The following COL23A1 variants were observed in gnomAD, a reference collection of about 807,000 sequenced individuals.
COL23A1 encodes the protein collagen alpha-1(XXIII) chain.
A neutral mutation model predicts 99.3 loss-of-function variants in COL23A1; 97 were observed. That is an observed-to-expected ratio of 0.98 (90% CI 0.83 to 1.16). COL23A1 has a LOEUF of 1.16. COL23A1 is among the 50% of genes most tolerant of loss of function. The probability of loss-of-function intolerance (pLI) is 0.00; values close to 1 mark genes in which losing one functional copy is unlikely to be tolerated. For missense variants in COL23A1, 762 were observed against 757.4 expected (o/e 1.01, Z -0.07); for synonymous variants, 320 against 308.2 (o/e 1.04, Z -0.40).
At chr5:178,337,578 A>G (rs1302024137) in intron 2 of COL23A1, among the ~76,000 whole-genome samples, 3 of 152,052 alleles carry the variant, frequency 2.0e-5, no homozygotes, top group African/African-American at 7.2e-5. Context: ...TTCCAGGGCC[A>G]GACTCCCTGC....
intron 2 of COL23A1, among the ~76,000 whole-genome samples, chr5:178,463,932 G>A (rs1756269162): frequency 6.6e-6 from 1 of 151,748 alleles, no homozygotes; most frequent in South Asian, 2.1e-4. Context: ...GCTGCAGAAC[G>A]AACCTCTTGT....
intron 2 of COL23A1, among the ~76,000 whole-genome samples, chr5:178,429,582 TC>T (rs1650074734): frequency 6.6e-6 from 1 of 152,136 alleles, no homozygotes; most frequent in Non-Finnish European, 1.5e-5. Flanking sequence ...CTCCCCTCAC[TC>T]CCTTCTTTTC....
rs1160344604 is a variant in COL23A1 at position 178,242,060 on chromosome 5, C to T, written c.1563G>A (p.Leu521=). 2 of 1,554,786 alleles carry T rather than the reference C, an allele frequency of 1.3e-6. No individual in the cohort carries two copies. The highest frequency in any genetic ancestry group is 1.9e-5 in the Admixed American group (1 of 51,394). ...GQKGEPGPPG[L]DQPCPVGPDG... ...CACCTACCACGGGACACGGCTGGTC[C>T]AGGCCTGGTGGTCCCGGCTCGCCCT... Residue 521 remains leucine, a synonymous_variant, in exon 27 of 29, where the codon CTG becomes CTA. Transcript: ENST00000390654.
Position 178,256,831 on chromosome 5 carries a change from C to T in COL23A1, c.837+35G>A, listed in dbSNP as rs749865606. On this transcript the variant is annotated intron_variant, in intron 14 of 28. Coordinates refer to ENST00000390654, the MANE Select transcript of COL23A1 (RefSeq NM_173465.4). Reference sequence around the variant, plus strand: ...CGACTGGGTGGAGGTCTGAGCGGGGCCCGCAGGCGCCAGAGCAGAGAGCTC... The same window carrying T: ...CGACTGGGTGGAGGTCTGAGCGGGGTCCGCAGGCGCCAGAGCAGAGAGCTC... The T allele has an allele frequency of 5.0e-6, 8 of 1,597,156 alleles. No homozygotes were observed. The South Asian group carries it at 5.6e-5, about 11-fold the overall frequency.
At chr5:178,272,151 C>T (rs753246420) in intron 5 of COL23A1, among the ~76,000 whole-genome samples, 2 of 152,234 alleles carry the variant, frequency 1.3e-5, no homozygotes, top group African/African-American at 2.4e-5. Context: ...AGTGCCTTCC[C>T]TGCGTTTCCA....
At chr5:178,407,496 A>T (rs1764827993) in intron 2 of COL23A1, among the ~76,000 whole-genome samples, 1 of 152,244 alleles carries the variant, frequency 6.6e-6, no homozygotes, top group Admixed American at 6.5e-5. Context: ...CAATCAACAG[A>T]TATGAACACT....
intron 2 of COL23A1, among the ~76,000 whole-genome samples, chr5:178,356,045 G>T (rs971510525): frequency 6.6e-6 from 1 of 152,200 alleles, no homozygotes; most frequent in Non-Finnish European, 1.5e-5. Context: ...AGTATAAAAC[G>T]CAAGGTGCTG....
At chr5:178,273,820 G>A (rs1756431987) in intron 5 of COL23A1, among the ~76,000 whole-genome samples, 1 of 152,224 alleles carries the variant, frequency 6.6e-6, no homozygotes, top group African/African-American at 2.4e-5. Flanking sequence ...ACTCCGAGGT[G>A]GGCCGGGAAG....
chr5:178,561,445 C>T (rs1262080767), intron 1 of COL23A1, among the ~76,000 whole-genome samples: 8 of 152,200 alleles, frequency 5.3e-5, no homozygotes, highest in Non-Finnish European at 1.5e-5. Context: ...CACAGCTCCC[C>T]TACAATGCAG....
chr5:178,373,589 T>A (rs1762915485), intron 2 of COL23A1, among the ~76,000 whole-genome samples: 1 of 152,074 alleles, frequency 6.6e-6, no homozygotes. Context: ...CTACTTTTTT[T>A]ATTTTTAGTA....
intron 2 of COL23A1, among the ~76,000 whole-genome samples, chr5:178,362,101 T>C (rs543041409): frequency 6.6e-6 from 1 of 152,372 alleles, no homozygotes; most frequent in African/African-American, 2.4e-5. Flanking sequence ...GTCCAACTTT[T>C]AGCGGACGTC....
chr5:178,570,434 T>G (rs1208073326), intron 1 of COL23A1, among the ~76,000 whole-genome samples: 1 of 152,202 alleles, frequency 6.6e-6, no homozygotes, highest in Non-Finnish European at 1.5e-5. Flanking sequence ...TTGACCAATG[T>G]ACTGTGGTTA....
chr5:178,238,833 G>C (rs1368014176), intron 28 of COL23A1, 133 bp from the exon 29 acceptor site: 1 of 1,254,680 alleles, frequency 8.0e-7, no homozygotes, highest in Non-Finnish European at 1.2e-6. Flanking sequence ...CTCTCAGTGG[G>C]CCAGTTGGGA....
In COL23A1 at chr5:178,280,273, C is replaced by T. The variant is rs11744096; in HGVS notation, c.441+8051G>A. Among the ~76,000 whole-genome samples the T allele has an allele frequency of 0.085, 13,009 of 152,294 alleles. 766 individuals carry two copies. The highest frequency in any genetic ancestry group is 0.17 in the African/African-American group (6,875 of 41,558). ...TGAGGATGCAGGCCCAAAAGGGGCG[C>T]CTTCAGCCTCACAGGCTTCCCTGGC... On this transcript the variant is annotated intron_variant, in intron 5 of 28. Transcript: ENST00000390654. The surrounding 1 kb of genome is among the most constrained non-coding windows in gnomAD (Gnocchi z 4.9).
rs1192567031 is a variant in COL23A1, at chr5:178,306,766, C to G, written c.406+109G>C. The G allele has an allele frequency of 1.3e-6, 1 of 787,356 alleles. No homozygotes were observed. The highest frequency in any genetic ancestry group is 2.5e-5 in the South Asian group (1 of 39,936). The allele number at this position is 787,356 out of a possible 1,614,324, so 48.8% of individuals were successfully genotyped here. ...AGGGGGAGGAGCACCTGCCCAGGACCAAGGCATGACTCAGGGTGGGCAGCA... is the reference window on the plus strand; with the variant it reads ...AGGGGGAGGAGCACCTGCCCAGGACGAAGGCATGACTCAGGGTGGGCAGCA... On this transcript the variant is annotated intron_variant, in intron 3 of 28. Transcript: ENST00000390654. This position sits in a 1 kb window ranked among gnomAD's most constrained non-coding sequence, Gnocchi z 4.1.
intron 22 of COL23A1, 115 bp downstream of exon 22, chr5:178,247,411 C>T: frequency 1.6e-6 from 2 of 1,240,446 alleles, no homozygotes; most frequent in South Asian, 2.6e-5. Flanking sequence ...GCTGGGAAGA[C>T]TCAGGGATGG....
chr5:178,482,893 C>A (rs1010787448), intron 2 of COL23A1, among the ~76,000 whole-genome samples: 153 of 151,780 alleles, frequency 1.0e-3, no homozygotes, highest in Non-Finnish European at 2.5e-4. Context: ...CAGAGAGAGA[C>A]TCCATCTCAA....
In COL23A1 at chr5:178,384,983, C is replaced by A. The variant is rs544730717; in HGVS notation, c.362-78064G>T. On this transcript the variant is annotated intron_variant, in intron 2 of 28. Coordinates refer to ENST00000390654, the MANE Select transcript of COL23A1 (RefSeq NM_173465.4). The surrounding 1 kb of genome is among the most constrained non-coding windows in gnomAD (Gnocchi z 5.5). ...CCATCCAAGCCACCACACTGGGCTGCCCAGCCCACTCCACGCCGGGGGCTC... is the reference window on the plus strand; with the variant it reads ...CCATCCAAGCCACCACACTGGGCTGACCAGCCCACTCCACGCCGGGGGCTC... Among the ~76,000 whole-genome samples, 82 of 152,350 alleles carry A rather than the reference C, an allele frequency of 5.4e-4. No individual in the cohort carries two copies. Among genetic ancestry groups the A allele is most frequent in the African/African-American group, 1.9e-3 (80 of 41,592 alleles).
rs995363524 is a variant in COL23A1 at position 178,280,193 on chromosome 5, G to A, written c.441+8131C>T. Among the ~76,000 whole-genome samples the A allele has an allele frequency of 5.3e-5, 8 of 152,272 alleles. No individual in the cohort carries two copies. The highest frequency in any genetic ancestry group is 1.0e-4 in the Non-Finnish European group (7 of 68,056). On this transcript the variant is annotated intron_variant, in intron 5 of 28. Transcript: ENST00000390654. This position sits in a 1 kb window ranked among gnomAD's most constrained non-coding sequence, Gnocchi z 4.9. The stretch of plus-strand genomic sequence containing the variant: ...GCCTCCAGCCCTGGCGGACTCTTGC[G>A]CTGGACTCCCGCCCTCGGGCCACAG...
Sources: allele counts gnomAD v4.1 joint callset (sites outside exome capture counted in the v4.1 genomes callset), GRCh38; gene constraint gnomAD v4.1.1; non-coding constraint Gnocchi (gnomAD v3.1); transcripts MANE v1.5; gene names NCBI Gene and HGNC (gene_info 2026-07-23, HGNC 2026-07-21).